The following GRK6 variants were observed in gnomAD, a reference collection of about 807,000 sequenced individuals.
The protein encoded by GRK6 is G protein-coupled receptor kinase 6.
Under a neutral mutation model 80.8 loss-of-function variants are expected in GRK6, and 37 were observed. The ratio of observed to expected loss-of-function variants is 0.46; its 90% CI spans 0.35 to 0.60. The LOEUF (loss-of-function observed/expected upper bound fraction) is 0.60, where lower values mean the gene tolerates loss of function less well. Among genes scored for constraint, GRK6 ranks in the 20% least tolerant of loss-of-function variants. The probability of loss-of-function intolerance (pLI) is 0.00; values close to 1 mark genes in which losing one functional copy is unlikely to be tolerated. For synonymous variants in GRK6, 295 were observed against 320.9 expected, an observed-to-expected ratio of 0.92 and a Z score of 0.86; for missense variants, 560 against 784.6, an observed-to-expected ratio of 0.71 and a Z score of 3.42.
At chr5:177,440,342 T>A (rs1764410213) in intron 13 of GRK6, among the ~76,000 whole-genome samples, 1 of 152,126 alleles carries the variant, frequency 6.6e-6, no homozygotes, top group South Asian at 2.1e-4. Context: ...AGCTCCAGGC[T>A]CTGCGTGGTG....
At chr5:177,437,657 A>G (rs1764224916) in intron 13 of GRK6, among the ~76,000 whole-genome samples, 1 of 152,212 alleles carries the variant, frequency 6.6e-6, no homozygotes, top group Non-Finnish European at 1.5e-5. Flanking sequence ...GGCCAGCTCC[A>G]GGGTTTCCTG....
At chr5:177,433,310 G>C in intron 6 of GRK6, 37 bp from the exon 7 acceptor site, 1 of 1,613,936 alleles carries the variant, frequency 6.2e-7, no homozygotes. Flanking sequence ...GGGCTCTCCT[G>C]CTCAGCCAGC....
chr5:177,431,750 C>T (rs1358577500), intron 2 of GRK6: 9 of 569,606 alleles, frequency 1.6e-5, no homozygotes, highest in Non-Finnish European at 2.5e-5. Context: ...GGATGGAGGC[C>T]TGGGCTCTGG....
chr5:177,433,718 G>A (rs780027112), intron 8 of GRK6, 42 bp downstream of exon 8: 1 of 1,607,012 alleles, frequency 6.2e-7, no homozygotes, highest in South Asian at 1.1e-5. Flanking sequence ...TGGCCACACT[G>A]GCGCACCGAC....
Position 177,430,985 on chromosome 5 carries a change from A to C in GRK6, c.148+18A>C. The C allele has an allele frequency of 6.2e-7, 1 of 1,607,334 alleles. No individual in the cohort carries two copies. The highest frequency in any genetic ancestry group is 8.5e-7 in the Non-Finnish European group (1 of 1,175,072). On this transcript the variant is annotated intron_variant, in intron 2 of 15. Transcript: ENST00000355472. Reference sequence around the variant, plus strand: ...CAGCCTCGGTGAGGCCTGGGCAGAGACTGGGGGTGCTGAGGCGAGGGGCCC... The same window carrying C: ...CAGCCTCGGTGAGGCCTGGGCAGAGCCTGGGGGTGCTGAGGCGAGGGGCCC...
chr5:177,430,716 C>G, intron 1 of GRK6, 156 bp from the exon 2 acceptor site: 1 of 639,312 alleles, frequency 1.6e-6, no homozygotes, highest in Non-Finnish European at 2.8e-6. Context: ...TGGAACGCAG[C>G]AAGGGCGTGC....
chr5:177,441,364 C>T, intron 15 of GRK6: 2 of 1,306,306 alleles, frequency 1.5e-6, no homozygotes, highest in Non-Finnish European at 2.1e-6. Context: ...CCGCCCCACT[C>T]CCCCTGCCCA....
At position 177,426,874 on chromosome 5, in the gene GRK6, C is replaced by A; in HGVS notation, c.29C>A (p.Thr10Lys). Reference sequence around the variant, plus strand: ...GAGCTCGAGAACATCGTAGCGAACACGGTGCTACTCAAGGCCCGGGAAGGT... The same window carrying A: ...GAGCTCGAGAACATCGTAGCGAACAAGGTGCTACTCAAGGCCCGGGAAGGT... MELENIVAN[T>K]VLLKAREGGG... The change falls in exon 1 of 16, where the codon ACG becomes AAG. Residue 10 changes from threonine to lysine, a missense_variant. Physicochemically the swap from Thr to Lys is moderately conservative, Grantham distance 78. Transcript: ENST00000355472. 1 of 1,384,380 alleles carries A rather than the reference C, an allele frequency of 7.2e-7. No homozygotes were observed. Among genetic ancestry groups the A allele is most frequent in the Non-Finnish European group, 9.4e-7 (1 of 1,061,506 alleles). The allele number at this position is 1,384,380 out of a possible 1,614,324, so 85.8% of individuals were successfully genotyped here.
chr5:177,441,498 G>A (rs938095790), intron 15 of GRK6: 15 of 622,876 alleles, frequency 2.4e-5, no homozygotes, highest in African/African-American at 2.0e-4. Flanking sequence ...CTGGCAGACC[G>A]TGGGATCTAC....
At position 177,436,212 on chromosome 5, in the gene GRK6, G is replaced by T. The variant is rs757091053; in HGVS notation, c.1197G>T (p.Arg399=). ...AGATCAAGCGGGAGGAGGTGGAGCG[G>T]CTGGTGAAGGAGGTCCCCGAGGAGT... The part of the protein sequence containing the change: ...KKKIKREEVE[R]LVKEVPEEYS... The change falls in exon 12 of 16, where the codon CGG becomes CGT. Residue 399 remains arginine (R), a synonymous_variant. Transcript: ENST00000355472. 5 of 1,614,202 alleles carry T rather than the reference G, an allele frequency of 3.1e-6. No homozygotes were observed. Among genetic ancestry groups the T allele is most frequent in the Non-Finnish European group, 4.2e-6 (5 of 1,180,036 alleles).
At chr5:177,427,951 T>C (rs1182118743) in intron 1 of GRK6, among the ~76,000 whole-genome samples, 2 of 152,210 alleles carry the variant, frequency 1.3e-5, no homozygotes, top group African/African-American at 4.8e-5. Flanking sequence ...AGATTGTGAT[T>C]GACTCGGGCC....
rs1377751948 is a variant in GRK6 at position 177,442,064 on chromosome 5, G to A, written c.*274G>A. 8.8e-6 allele frequency: 4 copies of A among 456,726 alleles called. No individual in the cohort carries two copies. The highest frequency in any genetic ancestry group is 3.6e-5 in the East Asian group (1 of 27,666). 28.3% of individuals were successfully genotyped at this position (456,726 alleles called of 1,614,324 possible). On this transcript the variant is annotated 3_prime_UTR_variant, in exon 16 of 16. Coordinates refer to ENST00000355472, the MANE Select transcript of GRK6 (RefSeq NM_001004106.3). ...ATGTATTTGTACGAATGTATATAGCGACCAGAGCATTCTTAATTCCCGCCG... is the reference window on the plus strand; with the variant it reads ...ATGTATTTGTACGAATGTATATAGCAACCAGAGCATTCTTAATTCCCGCCG...
chr5:177,426,749 A>AGCCGC lies in GRK6; in HGVS notation c.-92_-88dup, dbSNP rs1249829673. On this transcript the variant is annotated 5_prime_UTR_variant, in exon 1 of 16. Transcript: ENST00000355472. ...GGCGCGGTCACTGCGAGCCGAGCCGAGCCGCGCCGAGCCGCGCCGATCGCC... is the reference window on the plus strand; with the variant it reads ...GGCGCGGTCACTGCGAGCCGAGCCGAGCCGCGCCGCGCCGAGCCGCGCCGATCGCC... The AGCCGC allele has an allele frequency of 7.5e-5, 47 of 626,018 alleles. No homozygotes were observed. The highest frequency in any genetic ancestry group is 7.4e-4 in the African/African-American group (37 of 49,686). 38.8% of individuals were successfully genotyped at this position (626,018 alleles called of 1,614,324 possible).
intron 15 of GRK6, 88 bp downstream of exon 15, chr5:177,441,141 G>A: frequency 1.3e-6 from 2 of 1,537,076 alleles, no homozygotes; most frequent in Non-Finnish European, 8.9e-7. Context: ...GCATGCGCTG[G>A]GAGTGGGCGT....
chr5:177,435,094 G>T lies in GRK6; in HGVS notation c.1030G>T (p.Gly344Trp). The change falls in exon 11 of 16, where the codon GGG becomes TGG. Residue 344 changes from glycine to tryptophan, a missense_variant. Around this residue, in one of 3 missense-constraint regions of GRK6, gnomAD observed 294 missense variants for 397.4 expected, o/e 0.74. Transcript: ENST00000355472. ...TGTGCCCGAGGGCCAGACCATCAAA[G>T]GGCGTGTGGGCACCGTGGGTTACAT... ...VHVPEGQTIKGRVGTVGYMAP... is the reference protein window; with the variant it reads ...VHVPEGQTIKWRVGTVGYMAP... 1 of 1,610,460 alleles carries T rather than the reference G, an allele frequency of 6.2e-7. No homozygotes were observed. Among genetic ancestry groups the T allele is most frequent in the Non-Finnish European group, 8.5e-7 (1 of 1,178,512 alleles).
chr5:177,430,996 T>C (rs1374424355), intron 2 of GRK6, 29 bp downstream of exon 2: 1 of 1,591,766 alleles, frequency 6.3e-7, no homozygotes, highest in Non-Finnish European at 8.6e-7. Flanking sequence ...CTGGGGGTGC[T>C]GAGGCGAGGG....
At position 177,432,824 on chromosome 5, in the gene GRK6, C is replaced by T; in HGVS notation, c.440+18C>T. The T allele has an allele frequency of 1.3e-6, 2 of 1,580,716 alleles. No homozygotes were observed. Among genetic ancestry groups the T allele is most frequent in the Non-Finnish European group, 1.7e-6 (2 of 1,153,326 alleles). Reference sequence around the variant, plus strand: ...CTCACCCGGTAAGCCTGTCCCTGCCCACAAGCCTGGAATTATGCCCAGCGG... The same window carrying T: ...CTCACCCGGTAAGCCTGTCCCTGCCTACAAGCCTGGAATTATGCCCAGCGG... On this transcript the variant is annotated intron_variant, in intron 5 of 15. Coordinates refer to ENST00000355472, the MANE Select transcript of GRK6 (RefSeq NM_001004106.3).
At chr5:177,439,550 A>T (rs1276926192) in intron 13 of GRK6, among the ~76,000 whole-genome samples, 1 of 151,996 alleles carries the variant, frequency 6.6e-6, no homozygotes. Flanking sequence ...TCAAAAAAAA[A>T]AAAAAAAAGT....
chr5:177,436,894 C>T (rs991325752), intron 13 of GRK6, among the ~76,000 whole-genome samples: 1 of 151,710 alleles, frequency 6.6e-6, no homozygotes, highest in Non-Finnish European at 1.5e-5. Flanking sequence ...TTCTCTTCTC[C>T]TCTCCTCTCC....
Sources: allele counts gnomAD v4.1 joint callset (sites outside exome capture counted in the v4.1 genomes callset), GRCh38; gene constraint gnomAD v4.1.1; regional missense constraint gnomAD v4.1.1; transcripts MANE v1.5; gene names NCBI Gene and HGNC (gene_info 2026-07-23, HGNC 2026-07-21).